The following RIC8B variants were observed in gnomAD, a reference collection of about 807,000 sequenced individuals.
RIC8B encodes the protein chaperone Ric-8B.
A neutral mutation model predicts 57.5 loss-of-function variants in RIC8B; 16 were observed. The observed-to-expected ratio is 0.28, with a 90% CI of 0.19 to 0.42. The LOEUF (loss-of-function observed/expected upper bound fraction) is 0.42. Among genes scored for constraint, RIC8B ranks in the 10% least tolerant of loss-of-function variants. RIC8B has a pLI of 1.00. For missense variants in RIC8B, 481 were observed against 677.0 expected (o/e 0.71, Z 3.21); for synonymous variants, 216 against 250.8 (o/e 0.86, Z 1.31).
rs375864378 is a variant in RIC8B, at chr12:106,788,863, G to T, written c.132+4819G>T. Reference sequence around the variant, plus strand: ...TGGAGACATTTTCCCCATTTTCTTGGGGATTAACATTTGGCTCCTCATTAG... The same window carrying T: ...TGGAGACATTTTCCCCATTTTCTTGTGGATTAACATTTGGCTCCTCATTAG... On this transcript the variant is annotated intron_variant, in intron 2 of 9. Transcript: ENST00000392837. Among the ~76,000 whole-genome samples the T allele has an allele frequency of 4.3e-4, 65 of 152,268 alleles. No homozygotes were observed. The South Asian group carries it at 0.013, about 32-fold the overall frequency.
intron 8 of RIC8B, among the ~76,000 whole-genome samples, chr12:106,865,763 G>A (rs1214818647): frequency 6.6e-6 from 1 of 152,080 alleles, no homozygotes; most frequent in Non-Finnish European, 1.5e-5. Context: ...CTTTTAATAT[G>A]TAAATCAGAC....
chr12:106,824,432 A>T (rs1185834660), intron 3 of RIC8B, among the ~76,000 whole-genome samples: 3 of 152,084 alleles, frequency 2.0e-5, no homozygotes, highest in Non-Finnish European at 4.4e-5. Flanking sequence ...TTATATTTAA[A>T]ATGTTATGGT....
At position 106,870,808 on chromosome 12, in the gene RIC8B, T is replaced by C; in HGVS notation, c.1452-15T>C. ...ATTTTAAAACATACAGCATAACTTT[T>C]TTTTCTTTTTGTAGCATTAATCTTA... is the stretch of plus-strand genomic sequence containing the variant. On this transcript the variant is annotated splice_polypyrimidine_tract_variant and intron_variant, in intron 8 of 9. Coordinates refer to ENST00000392837, the MANE Select transcript of RIC8B (RefSeq NM_001330145.2). 6.7e-7 allele frequency: 1 copy of C among 1,493,264 alleles called. No homozygotes were observed. Among genetic ancestry groups the C allele is most frequent in the Non-Finnish European group, 8.9e-7 (1 of 1,120,304 alleles). 92.5% of individuals were successfully genotyped at this position (1,493,264 alleles called of 1,614,324 possible). A position where few individuals can be genotyped will look rare whatever the true frequency, so the allele number is the denominator to read the frequency against.
intron 6 of RIC8B, 76 bp from the exon 7 acceptor site, chr12:106,851,374 T>C (rs1315097664): frequency 2.1e-6 from 2 of 947,750 alleles, no homozygotes; most frequent in Non-Finnish European, 1.6e-6. Flanking sequence ...ATTACAAGAC[T>C]GGCCAGTTGC....
chr12:106,821,105 A>G (rs1184498437), intron 3 of RIC8B, among the ~76,000 whole-genome samples: 1 of 152,240 alleles, frequency 6.6e-6, no homozygotes, highest in African/African-American at 2.4e-5. Context: ...GGAAAAAGCA[A>G]TTGCATTTCT....
At chr12:106,792,548 G>A (rs1179262310) in intron 2 of RIC8B, among the ~76,000 whole-genome samples, 1 of 152,092 alleles carries the variant, frequency 6.6e-6, no homozygotes, top group Admixed American at 6.6e-5. Context: ...TAATGGAACT[G>A]GTAAAAATTA....
At chr12:106,840,698 A>C (rs1948906686) in intron 4 of RIC8B, among the ~76,000 whole-genome samples, 1 of 152,236 alleles carries the variant, frequency 6.6e-6, no homozygotes, top group African/African-American at 2.4e-5. Context: ...AAACCTCCAA[A>C]TATTTGTTGA....
Position 106,814,906 on chromosome 12 carries a change from G to T in RIC8B, c.343G>T (p.Val115Leu), listed in dbSNP as rs1173662713. Residue 115 changes from valine (V) to leucine (L), a missense_variant, in exon 3 of 10, where the codon GTG becomes TTG. Val to Leu is a conservative substitution (Grantham distance 32, BLOSUM62 1). Around this residue, in one of 3 missense-constraint regions of RIC8B, gnomAD observed 421 missense variants for 560.9 expected, o/e 0.75. Coordinates refer to ENST00000392837, the MANE Select transcript of RIC8B (RefSeq NM_001330145.2). ...GAAAGTATCAGAGTTCCCAGTTATT[G>T]TGGAGTCATTAAAATGTCTGTGTAA... ...LEKVSEFPVI[V>L]ESLKCLCNIV... The T allele has an allele frequency of 6.2e-7, 1 of 1,614,074 alleles. No homozygotes were observed. The highest frequency in any genetic ancestry group is 1.3e-5 in the African/African-American group (1 of 74,950).
At chr12:106,782,879 A>G (rs1440212309) in intron 1 of RIC8B, among the ~76,000 whole-genome samples, 1 of 152,228 alleles carries the variant, frequency 6.6e-6, no homozygotes, top group Non-Finnish European at 1.5e-5. Flanking sequence ...GTGGCTAATG[A>G]GAGAAAGAAA....
At chr12:106,864,911 A>C (rs1018528963) in intron 8 of RIC8B, among the ~76,000 whole-genome samples, 1 of 152,102 alleles carries the variant, frequency 6.6e-6, no homozygotes, top group African/African-American at 2.4e-5. Flanking sequence ...ATCATATACA[A>C]TATTTCTCCT....
At chr12:106,781,404 G>C (rs982585587) in intron 1 of RIC8B, among the ~76,000 whole-genome samples, 1 of 152,120 alleles carries the variant, frequency 6.6e-6, no homozygotes, top group Non-Finnish European at 1.5e-5. Context: ...CCTTAGAAAG[G>C]GGAGAGAATA....
At chr12:106,805,608 C>T (rs1456172581) in intron 2 of RIC8B, among the ~76,000 whole-genome samples, 1 of 152,198 alleles carries the variant, frequency 6.6e-6, no homozygotes, top group East Asian at 1.9e-4. Flanking sequence ...CTTAACTGCC[C>T]TGCTTCTGGT....
chr12:106,863,284 A>C (rs561239554), intron 8 of RIC8B, among the ~76,000 whole-genome samples: 11 of 152,248 alleles, frequency 7.2e-5, no homozygotes, highest in Admixed American at 7.2e-4. Flanking sequence ...AAAAGTGAGC[A>C]GAACCCTAGG....
At chr12:106,823,277 C>A in intron 3 of RIC8B, 1 of 290,430 alleles carries the variant, frequency 3.4e-6, no homozygotes, top group Non-Finnish European at 7.0e-6. Context: ...TTAGCTGAAA[C>A]CTGGAGTATG....
In RIC8B at chr12:106,829,642, A is replaced by G. The variant is rs543034337; in HGVS notation, c.836+3822A>G. ...TTTCAGTTTTTTTTATAGTGGTAAA[A>G]TACAGTTATAAAATTTGCTATCTTT... is the stretch of plus-strand genomic sequence containing the variant. On this transcript the variant is annotated intron_variant, in intron 4 of 9. Transcript: ENST00000392837. Among the ~76,000 whole-genome samples the G allele has an allele frequency of 3.3e-5, 5 of 152,254 alleles. No homozygotes were observed. In the South Asian group the frequency reaches 8.3e-4, roughly 25 times the overall value.
rs527768643 is a variant in RIC8B, at chr12:106,877,960, G to A, written c.1571+7018G>A. Among the ~76,000 whole-genome samples, 9 of 152,248 alleles carry A rather than the reference G, an allele frequency of 5.9e-5. No homozygotes were observed. In the South Asian group the frequency reaches 1.9e-3, roughly 32 times the overall value. On this transcript the variant is annotated intron_variant, in intron 9 of 9. Transcript: ENST00000392837. Reference sequence around the variant, plus strand: ...CAATTCCCAATTACCTTTATAAAGTGGAAAGACATGGTGATGTGGGGACTG... The same window carrying A: ...CAATTCCCAATTACCTTTATAAAGTAGAAAGACATGGTGATGTGGGGACTG...
chr12:106,775,910 G>T (rs745797807), intron 1 of RIC8B, among the ~76,000 whole-genome samples: 1 of 152,122 alleles, frequency 6.6e-6, no homozygotes, highest in Non-Finnish European at 1.5e-5. Context: ...TGTTTGCTTT[G>T]TGTCCACCAC....
chr12:106,792,416 A>G (rs1275842644), intron 2 of RIC8B, among the ~76,000 whole-genome samples: 1 of 152,186 alleles, frequency 6.6e-6, no homozygotes, highest in Non-Finnish European at 1.5e-5. Context: ...TGTCTGGGAT[A>G]ATAAGAATAC....
intron 7 of RIC8B, among the ~76,000 whole-genome samples, chr12:106,858,314 T>G (rs1949788900): frequency 6.6e-6 from 1 of 152,168 alleles, no homozygotes; most frequent in Admixed American, 6.5e-5. Context: ...CCTCCTTGTT[T>G]GTTAAAAATA....
Sources: gnomAD v4.1 joint callset for allele counts (sites outside exome capture counted in the v4.1 genomes callset) on GRCh38, gnomAD v4.1.1 for gene constraint, gnomAD v4.1.1 regional missense constraint, MANE v1.5 for transcripts, NCBI Gene and HGNC (gene_info 2026-07-23, HGNC 2026-07-21) for gene names.